The following PPDPF variants were observed in gnomAD, a reference collection of about 807,000 sequenced individuals.
PPDPF encodes pancreatic progenitor cell differentiation and proliferation factor.
In PPDPF, 11 loss-of-function variants were observed where a neutral mutation model predicts 6.3. The ratio of observed to expected loss-of-function variants is 1.76; its 90% CI spans 1.11 to 2.91. PPDPF has a LOEUF of 2.91. Ranked by LOEUF, PPDPF falls within the 30% of genes most tolerant of loss-of-function variation. The pLI is 0.00. For missense variants in PPDPF, 202 were observed against 159.4 expected (o/e 1.27, Z -1.44); for synonymous variants, 86 against 64.5 (o/e 1.33, Z -1.60).
At position 63,521,302 on chromosome 20, in the gene PPDPF, C is replaced by CT; in HGVS notation, c.-6dup. On this transcript the variant is annotated 5_prime_UTR_variant, in exon 2 of 4. Coordinates refer to ENST00000370179, the MANE Select transcript of PPDPF (RefSeq NM_024299.4). ...TGCGCAGATCCCACCAGCCAGCAAG[C>CT]TAAAGCATGGCGGCCATCCCCTCCA... 1.2e-6 allele frequency: 2 copies of CT among 1,609,714 alleles called. No individual in the cohort carries two copies. The highest frequency in any genetic ancestry group is 1.7e-6 in the Non-Finnish European group (2 of 1,178,602).
In PPDPF at chr20:63,521,786, C is replaced by T. The variant is rs1475878734; in HGVS notation, c.252C>T (p.Ser84=). 4 of 1,612,686 alleles carry T rather than the reference C, an allele frequency of 2.5e-6. No homozygotes were observed. Among genetic ancestry groups the T allele is most frequent in the Non-Finnish European group, 3.4e-6 (4 of 1,179,912 alleles). The change falls in exon 4 of 4, where the codon TCC becomes TCT. Residue 84 remains serine (S), a synonymous_variant. Coordinates refer to ENST00000370179, the MANE Select transcript of PPDPF (RefSeq NM_024299.4). ...SAEHSEPPQA[S]SSMTACGLAR... ...AGCACTCGGAACCTCCCCAGGCCTC[C>T]AGCAGCATGACCGCCTGTGGCCTGG...
In PPDPF at chr20:63,521,648, C is replaced by T. The variant is rs769365220; in HGVS notation, c.134-20C>T. On this transcript the variant is annotated intron_variant, in intron 3 of 3. Transcript: ENST00000370179. ...CCTCCAGGAGCTGGCAGCATCAAGA[C>T]CCCACTTCGCTTCTCTCAGGTCTCC... 2 of 1,613,116 alleles carry T rather than the reference C, an allele frequency of 1.2e-6. No individual in the cohort carries two copies. The highest frequency in any genetic ancestry group is 1.6e-4 in the Middle Eastern group (1 of 6,062).
At chr20:63,520,755 G>C, upstream of PPDPF, 1 of 984,826 alleles carries the variant, frequency 1.0e-6, no homozygotes, top group Non-Finnish European at 1.2e-6. Context: ...GGGCGCGTCC[G>C]CGCGTGCGCA....
Position 63,522,092 on chromosome 20 carries a change from A to C in PPDPF, c.*213A>C, listed in dbSNP as rs2082555083. On this transcript the variant is annotated 3_prime_UTR_variant, in exon 4 of 4. Transcript: ENST00000370179. ...CCGCTCTCTACCGCCCGGCCCCAGCACTCGCTAGCTTTCCTGACACCTGGA... is the reference window on the plus strand; with the variant it reads ...CCGCTCTCTACCGCCCGGCCCCAGCCCTCGCTAGCTTTCCTGACACCTGGA... 4 of 602,284 alleles carry C rather than the reference A, an allele frequency of 6.6e-6. No homozygotes were observed. The highest frequency in any genetic ancestry group is 1.2e-5 in the Non-Finnish European group (4 of 329,440). 37.3% of individuals were successfully genotyped at this position (602,284 alleles called of 1,614,324 possible). A position where few individuals can be genotyped will look rare whatever the true frequency, so the allele number is the denominator to read the frequency against.
Position 63,521,785 on chromosome 20 carries a change from C to T in PPDPF, c.251C>T (p.Ser84Phe). The T allele has an allele frequency of 1.2e-6, 2 of 1,612,692 alleles. No homozygotes were observed. Among genetic ancestry groups the T allele is most frequent in the Non-Finnish European group, 1.7e-6 (2 of 1,179,932 alleles). ...SAEHSEPPQA[S>F]SSMTACGLAR... ...GAGCACTCGGAACCTCCCCAGGCCTCCAGCAGCATGACCGCCTGTGGCCTG... is the reference window on the plus strand; with the variant it reads ...GAGCACTCGGAACCTCCCCAGGCCTTCAGCAGCATGACCGCCTGTGGCCTG... Residue 84 changes from serine to phenylalanine, a missense_variant, in exon 4 of 4, where the codon TCC becomes TTC. Physicochemically the swap from Ser to Phe is radical, Grantham distance 155 (BLOSUM62 -2). Transcript: ENST00000370179.
chr20:63,521,997 T>G lies in PPDPF; in HGVS notation c.*118T>G. On this transcript the variant is annotated 3_prime_UTR_variant, in exon 4 of 4. Coordinates refer to ENST00000370179, the MANE Select transcript of PPDPF (RefSeq NM_024299.4). The stretch of plus-strand genomic sequence containing the variant: ...CCTCCCCACCTCCCACCCCCCACCC[T>G]GTAAACTAGGCGGCTGCAGCAAGCA... 1 of 687,294 alleles carries G rather than the reference T, an allele frequency of 1.5e-6. No individual in the cohort carries two copies. Among genetic ancestry groups the G allele is most frequent in the Non-Finnish European group, 2.4e-6 (1 of 420,800 alleles). 42.6% of individuals were successfully genotyped at this position (687,294 alleles called of 1,614,324 possible).
chr20:63,521,478 G>T lies in PPDPF; in HGVS notation c.56-34G>T, dbSNP rs777917674. The T allele has an allele frequency of 9.0e-6, 14 of 1,556,432 alleles. No homozygotes were observed. In the Admixed American group the frequency reaches 1.5e-4, roughly 17 times the overall value. On this transcript the variant is annotated intron_variant, in intron 2 of 3. Coordinates refer to ENST00000370179, the MANE Select transcript of PPDPF (RefSeq NM_024299.4). ...AGGCCGGTGGGCTGGGGGGCTCCGCGCCCCGCGTTGCTGACGGGACCTCTC... is the reference window on the plus strand; with the variant it reads ...AGGCCGGTGGGCTGGGGGGCTCCGCTCCCCGCGTTGCTGACGGGACCTCTC...
In PPDPF at chr20:63,521,872, C is replaced by T. The variant is rs868214838; in HGVS notation, c.338C>T (p.Pro113Leu). The change falls in exon 4 of 4, where the codon CCG becomes CTG. Residue 113 changes from proline (P) to leucine (L), a missense_variant. Pro to Leu is a moderately conservative substitution (Grantham distance 98). Coordinates refer to ENST00000370179, the MANE Select transcript of PPDPF (RefSeq NM_024299.4). Reference sequence around the variant, plus strand: ...TCCAGCACAGCCAGCGCTGGGCCCCCGTCCTGACCTGAGCGGTTACCACCA... The same window carrying T: ...TCCAGCACAGCCAGCGCTGGGCCCCTGTCCTGACCTGAGCGGTTACCACCA... Reference protein sequence around the residue: ...GQSSTASAGPPS With the variant: ...GQSSTASAGPLS The T allele has an allele frequency of 1.3e-6, 2 of 1,586,622 alleles. No individual in the cohort carries two copies. Among genetic ancestry groups the T allele is most frequent in the Non-Finnish European group, 1.7e-6 (2 of 1,167,276 alleles).
chr20:63,522,135 A>T lies in PPDPF; in HGVS notation c.*256A>T, dbSNP rs1450481414. On this transcript the variant is annotated 3_prime_UTR_variant, in exon 4 of 4. Coordinates refer to ENST00000370179, the MANE Select transcript of PPDPF (RefSeq NM_024299.4). ...CACCTGGAACTGTGCACCTGGCACC[A>T]AGCGGAAAATAAACTCCAAGCAGCC... 1.8e-6 allele frequency: 1 copy of T among 551,196 alleles called. No homozygotes were observed. Among genetic ancestry groups the T allele is most frequent in the Non-Finnish European group, 3.4e-6 (1 of 298,110 alleles). 34.1% of individuals were successfully genotyped at this position (551,196 alleles called of 1,614,324 possible).
rs2082554912 is a variant in PPDPF, at chr20:63,522,079, G to A, written c.*200G>A. 1.6e-6 allele frequency: 1 copy of A among 612,454 alleles called. No individual in the cohort carries two copies. The highest frequency in any genetic ancestry group is 2.0e-5 in the South Asian group (1 of 51,052). The allele number at this position is 612,454 out of a possible 1,614,324, so 37.9% of individuals were successfully genotyped here. A position where few individuals can be genotyped will look rare whatever the true frequency, so the allele number is the denominator to read the frequency against. On this transcript the variant is annotated 3_prime_UTR_variant, in exon 4 of 4. Transcript: ENST00000370179. ...ACCAGTGAGAGCCCCGCTCTCTACCGCCCGGCCCCAGCACTCGCTAGCTTT... is the reference window on the plus strand; with the variant it reads ...ACCAGTGAGAGCCCCGCTCTCTACCACCCGGCCCCAGCACTCGCTAGCTTT...
chr20:63,521,134 G>A, intron 1 of PPDPF, 150 bp from the exon 2 acceptor site: 1 of 902,380 alleles, frequency 1.1e-6, no homozygotes, highest in South Asian at 2.1e-5. Context: ...GCTGGTTGGA[G>A]CCGCCCGCGC....
In PPDPF at chr20:63,521,338, C is replaced by G; in HGVS notation, c.30C>G (p.Leu10=). MAAIPSSGS[L]VATHDYYRRR... The stretch of plus-strand genomic sequence containing the variant: ...CGGCCATCCCCTCCAGCGGCTCGCT[C>G]GTGGCCACCCACGACTACTACCGGC... Residue 10 remains leucine, a synonymous_variant, in exon 2 of 4, where the codon CTC becomes CTG. Coordinates refer to ENST00000370179, the MANE Select transcript of PPDPF (RefSeq NM_024299.4). 1 of 1,608,868 alleles carries G rather than the reference C, an allele frequency of 6.2e-7. No homozygotes were observed.
chr20:63,521,225 G>A, intron 1 of PPDPF, 59 bp from the exon 2 acceptor site: 2 of 1,433,074 alleles, frequency 1.4e-6, no homozygotes, highest in South Asian at 1.3e-5. Context: ...ACCCGCTGGG[G>A]AGCGCCCTTC....
Position 63,520,826 on chromosome 20 carries a change from C to T in PPDPF, c.-94C>T. 5 of 985,702 alleles carry T rather than the reference C, an allele frequency of 5.1e-6. No individual in the cohort carries two copies. Among genetic ancestry groups the T allele is most frequent in the Non-Finnish European group, 6.0e-6 (5 of 830,536 alleles). The allele number at this position is 985,702 out of a possible 1,614,324, so 61.1% of individuals were successfully genotyped here. On this transcript the variant is annotated 5_prime_UTR_variant, in exon 1 of 4. Coordinates refer to ENST00000370179, the MANE Select transcript of PPDPF (RefSeq NM_024299.4). ...CGCGGTCTTCTCTGCAAATGGGCTC[C>T]GTGGCCTAGCGCCCCCGTCCCCGCC...
In PPDPF at chr20:63,521,240, C is replaced by T. The variant is rs2082541352; in HGVS notation, c.-25-44C>T. The T allele has an allele frequency of 4.7e-6, 7 of 1,494,190 alleles. No individual in the cohort carries two copies. In the Admixed American group the frequency reaches 6.3e-5, roughly 13 times the overall value. 92.6% of individuals were successfully genotyped at this position (1,494,190 alleles called of 1,614,324 possible). ...ACCCGCTGGGGAGCGCCCTTCATGACGGAAGGCCGCTGACCCGAGGGGCTC... is the reference window on the plus strand; with the variant it reads ...ACCCGCTGGGGAGCGCCCTTCATGATGGAAGGCCGCTGACCCGAGGGGCTC... On this transcript the variant is annotated intron_variant, in intron 1 of 3. Coordinates refer to ENST00000370179, the MANE Select transcript of PPDPF (RefSeq NM_024299.4).
In PPDPF at chr20:63,521,722, C is replaced by G. The variant is rs756855390; in HGVS notation, c.188C>G (p.Ser63Cys). 1.2e-6 allele frequency: 2 copies of G among 1,613,368 alleles called. No individual in the cohort carries two copies. The highest frequency in any genetic ancestry group is 1.3e-5 in the African/African-American group (1 of 75,026). ...HWWASFFFGK[S>C]TLPFMATVLE... ...TGGGCCAGCTTCTTTTTCGGGAAGT[C>G]CACCCTCCCGTTCATGGCCACGGTG... The change falls in exon 4 of 4, where the codon TCC becomes TGC. Residue 63 changes from serine to cysteine, a missense_variant. By Grantham distance (112) the Ser-to-Cys change is moderately radical. Coordinates refer to ENST00000370179, the MANE Select transcript of PPDPF (RefSeq NM_024299.4).
In PPDPF at chr20:63,521,382, C is replaced by G. The variant is rs748208538; in HGVS notation, c.55+19C>G. ...TACCGGCGTGAGTAGCCCCTGCCCC[C>G]CATCCACGCGGATGCTCTGCTGGCG... On this transcript the variant is annotated intron_variant, in intron 2 of 3. Coordinates refer to ENST00000370179, the MANE Select transcript of PPDPF (RefSeq NM_024299.4). The G allele has an allele frequency of 4.4e-6, 7 of 1,605,938 alleles. No individual in the cohort carries two copies. Among genetic ancestry groups the G allele is most frequent in the Non-Finnish European group, 4.3e-6 (5 of 1,176,196 alleles).
chr20:63,521,842 G>A lies in PPDPF; in HGVS notation c.308G>A (p.Gly103Asp), dbSNP rs749879826. The change falls in exon 4 of 4, where the codon GGT (glycine) becomes GAT (aspartate). Residue 103 changes from glycine (G) to aspartate (D), a missense_variant. Coordinates refer to ENST00000370179, the MANE Select transcript of PPDPF (RefSeq NM_024299.4). ...ARDAPRKQPG[G>D]QSSTASAGPP... ...GACGCCCCGAGGAAGCAGCCCGGCG[G>A]TCAGTCCAGCACAGCCAGCGCTGGG... The A allele has an allele frequency of 1.9e-6, 3 of 1,607,408 alleles. No homozygotes were observed. The South Asian group carries it at 3.3e-5, about 18-fold the overall frequency.
Position 63,521,663 on chromosome 20 carries a change from C to T in PPDPF, c.134-5C>T, listed in dbSNP as rs200937446. The T allele has an allele frequency of 5.0e-6, 8 of 1,613,472 alleles. No homozygotes were observed. Among genetic ancestry groups the T allele is most frequent in the South Asian group, 3.3e-5 (3 of 91,078 alleles). Reference sequence around the variant, plus strand: ...AGCATCAAGACCCCACTTCGCTTCTCTCAGGTCTCCCCAAGGCTGACCCGG... The same window carrying T: ...AGCATCAAGACCCCACTTCGCTTCTTTCAGGTCTCCCCAAGGCTGACCCGG... On this transcript the variant is annotated splice_polypyrimidine_tract_variant and splice_region_variant and intron_variant, in intron 3 of 3. Coordinates refer to ENST00000370179, the MANE Select transcript of PPDPF (RefSeq NM_024299.4).
Sources: gnomAD v4.1 joint callset for allele counts on GRCh38, gnomAD v4.1.1 for gene constraint, MANE v1.5 for transcripts, NCBI Gene and HGNC (gene_info 2026-07-23, HGNC 2026-07-21) for gene names.